The following CNNM2 variants were observed in gnomAD, a reference collection of about 807,000 sequenced individuals.
CNNM2 encodes the protein metal transporter CNNM2.
In CNNM2, 12 loss-of-function variants were observed where a neutral mutation model predicts 66.9. The observed-to-expected ratio is 0.18, with a 90% CI of 0.11 to 0.29. The LOEUF is 0.29. Ranked by LOEUF, CNNM2 falls within the 10% of genes least tolerant of loss-of-function variation. The pLI is 1.00. For synonymous variants in CNNM2, 557 were observed against 501.8 expected, an observed-to-expected ratio of 1.11 and a Z score of -1.47; for missense variants, 705 against 1,167.7, an observed-to-expected ratio of 0.60 and a Z score of 5.77.
chr10:103,024,630 C>T (rs1019175826), intron 1 of CNNM2, among the ~76,000 whole-genome samples: 10 of 152,042 alleles, frequency 6.6e-5, no homozygotes, highest in African/African-American at 2.2e-4. Flanking sequence ...AGGTGCGTGC[C>T]ACCATGCCTG....
chr10:103,058,718 A>G (rs1363175115), intron 4 of CNNM2, among the ~76,000 whole-genome samples: 2 of 152,222 alleles, frequency 1.3e-5, no homozygotes, highest in Non-Finnish European at 2.9e-5. Context: ...TGGGGGTTTT[A>G]CAAGTAGTGT....
chr10:103,055,093 C>G (rs1236956552), intron 3 of CNNM2, among the ~76,000 whole-genome samples: 1 of 152,130 alleles, frequency 6.6e-6, no homozygotes, highest in East Asian at 1.9e-4. Context: ...TTGTTTAAAC[C>G]ACCAACCCAG....
At chr10:102,928,352 C>T (rs918598391) in intron 1 of CNNM2, among the ~76,000 whole-genome samples, 4 of 152,118 alleles carry the variant, frequency 2.6e-5, no homozygotes, top group East Asian at 1.9e-4. Flanking sequence ...TTTGGGAGGC[C>T]GAGGCGGGTG....
chr10:103,024,899 A>G (rs1190532556), intron 1 of CNNM2, among the ~76,000 whole-genome samples: 1 of 152,114 alleles, frequency 6.6e-6, no homozygotes, highest in Non-Finnish European at 1.5e-5. Context: ...TATTTCCTGT[A>G]CACTGGAAGC....
Position 103,089,921 on chromosome 10 carries a change from AAGCT to A in CNNM2, c.*12744_*12747del, listed in dbSNP as rs771974870. ...ATTCATGAGGCATCTAGACAGAAAA[AAGCT>A]AGAGGCTCAGAAAGCAGGCAGAGCA... On this transcript the variant is annotated 3_prime_UTR_variant, in exon 8 of 8. Transcript: ENST00000369878. 1.9e-6 allele frequency: 3 copies of A among 1,571,190 alleles called. No individual in the cohort carries two copies. In the African/African-American group the frequency reaches 4.1e-5, roughly 21 times the overall value.
At chr10:102,946,436 G>A (rs565705146) in intron 1 of CNNM2, among the ~76,000 whole-genome samples, 1 of 152,030 alleles carries the variant, frequency 6.6e-6, no homozygotes, top group South Asian at 2.1e-4. Context: ...TTGCTTTTAG[G>A]GATACCTAAA....
intron 2 of CNNM2, among the ~76,000 whole-genome samples, chr10:103,052,209 AG>A (rs1289198590): frequency 6.6e-6 from 1 of 150,420 alleles, no homozygotes; most frequent in Admixed American, 6.6e-5. Flanking sequence ...TGAACCCAGG[AG>A]GCAGAGGTTG....
chr10:103,000,266 T>C (rs2064093578), intron 1 of CNNM2, among the ~76,000 whole-genome samples: 1 of 150,764 alleles, frequency 6.6e-6, no homozygotes, highest in African/African-American at 2.4e-5. Context: ...AATAAATAAA[T>C]AAATAAATAA....
At chr10:103,032,147 G>A (rs916209386) in intron 1 of CNNM2, among the ~76,000 whole-genome samples, 1 of 152,116 alleles carries the variant, frequency 6.6e-6, no homozygotes, top group Non-Finnish European at 1.5e-5. Flanking sequence ...ATTTTCTCTT[G>A]TTAGAAATAT....
intron 1 of CNNM2, among the ~76,000 whole-genome samples, chr10:103,006,687 T>C (rs1039069286): frequency 6.6e-6 from 1 of 152,196 alleles, no homozygotes; most frequent in Admixed American, 6.5e-5. Context: ...AGTGCAATGG[T>C]GCGATCTCAG....
intron 1 of CNNM2, among the ~76,000 whole-genome samples, chr10:102,955,269 A>C (rs1846992045): frequency 1.3e-5 from 2 of 152,214 alleles, no homozygotes; most frequent in Admixed American, 6.6e-5. Context: ...CAAAAGCAAG[A>C]AATGGGGAAG....
Position 103,077,085 on chromosome 10 carries a change from G to A in CNNM2, c.2533G>A (p.Gly845Arg), listed in dbSNP as rs941241648. The change falls in exon 8 of 8, where the codon GGG becomes AGG. Residue 845 changes from glycine (G) to arginine (R), a missense_variant. By Grantham distance (125) the Gly-to-Arg change is moderately radical. This residue lies in a region of CNNM2 where 194 missense variants were observed against 227.6 expected (regional missense o/e 0.85). Coordinates refer to ENST00000369878, the MANE Select transcript of CNNM2 (RefSeq NM_017649.5). The stretch of plus-strand genomic sequence containing the variant: ...ATTGACTCTTACGGAGCTGCATGAC[G>A]GGTTGCCAGACGAGACAGCCAACCT... The part of the protein sequence containing the change: ...IELTLTELHD[G>R]LPDETANLLN... 2.1e-5 allele frequency: 34 copies of A among 1,613,820 alleles called. No individual in the cohort carries two copies. The highest frequency in any genetic ancestry group is 2.7e-5 in the Non-Finnish European group (32 of 1,179,886).
At chr10:103,009,674 C>CAAAGA (rs2064298812) in intron 1 of CNNM2, among the ~76,000 whole-genome samples, 1 of 58,634 alleles carries the variant, frequency 1.7e-5, no homozygotes, top group Non-Finnish European at 3.1e-5. Context: ...CCTGAGTCTC[C>CAAAGA]AAAAAAAAAA....
At chr10:103,030,230 C>A (rs923801341) in intron 1 of CNNM2, among the ~76,000 whole-genome samples, 1 of 152,048 alleles carries the variant, frequency 6.6e-6, no homozygotes, top group Non-Finnish European at 1.5e-5. Context: ...AGAACTTAAA[C>A]GTTCCTAAAT....
chr10:102,948,250 G>T (rs1051131175), intron 1 of CNNM2, among the ~76,000 whole-genome samples: 2 of 152,134 alleles, frequency 1.3e-5, no homozygotes, highest in Non-Finnish European at 2.9e-5. Flanking sequence ...ATCATCACAC[G>T]AATAAACTCA....
At chr10:102,948,409 T>C (rs74156604) in intron 1 of CNNM2, among the ~76,000 whole-genome samples, 41 of 152,228 alleles carry the variant, frequency 2.7e-4, no homozygotes, top group African/African-American at 9.4e-4. Flanking sequence ...AAAGAGACTA[T>C]TGCAGGGAGA....
rs1018655834 is a variant in CNNM2, at chr10:103,052,575, G to A, written c.1766-1754G>A. On this transcript the variant is annotated intron_variant, in intron 2 of 7. Transcript: ENST00000369878. ...ATTGCCCAGGCTGGAGTGCAGTGGT[G>A]CAATCTCACCTCACTGCAACCTCCG... Among the ~76,000 whole-genome samples the A allele has an allele frequency of 4.0e-5, 6 of 150,634 alleles. No homozygotes were observed. In the South Asian group the frequency reaches 6.3e-4, roughly 16 times the overall value.
At chr10:102,935,745 T>C (rs1846214792) in intron 1 of CNNM2, among the ~76,000 whole-genome samples, 1 of 148,394 alleles carries the variant, frequency 6.7e-6, no homozygotes, top group African/African-American at 2.5e-5. Context: ...CAAATAGCTG[T>C]GATCACAGGC....
intron 1 of CNNM2, among the ~76,000 whole-genome samples, chr10:103,007,493 C>T (rs1049492755): frequency 7.2e-5 from 11 of 152,112 alleles, no homozygotes; most frequent in African/African-American, 2.7e-4. Flanking sequence ...AAGACAGACA[C>T]TCCCAGAGCG....
Sources: gnomAD v4.1 joint callset for allele counts (sites outside exome capture counted in the v4.1 genomes callset) on GRCh38, gnomAD v4.1.1 for gene constraint, gnomAD v4.1.1 regional missense constraint, MANE v1.5 for transcripts, NCBI Gene and HGNC (gene_info 2026-07-23, HGNC 2026-07-21) for gene names.